DLG1: variants seen among roughly 807,000 people sequenced by gnomAD.
DLG1 encodes discs large MAGUK scaffold protein 1.
Under a neutral mutation model 123.4 loss-of-function variants are expected in DLG1, and 42 were observed. That is an observed-to-expected ratio of 0.34 (90% CI 0.27 to 0.44). The LOEUF (loss-of-function observed/expected upper bound fraction) is 0.44. DLG1 is among the 20% of genes least tolerant of loss of function. DLG1 has a pLI of 1.00. For synonymous variants in DLG1, 317 were observed against 356.2 expected, an observed-to-expected ratio of 0.89 and a Z score of 1.24; for missense variants, 942 against 1,082.6, an observed-to-expected ratio of 0.87 and a Z score of 1.82.
chr3:197,084,562 G>A lies in DLG1; in HGVS notation c.1838+1018C>T, dbSNP rs796102194. Among the ~76,000 whole-genome samples the A allele has an allele frequency of 5.5e-4, 84 of 151,554 alleles. 2 individuals are homozygous for A. The Middle Eastern group carries it at 0.017, about 31-fold the overall frequency. On this transcript the variant is annotated intron_variant, in intron 16 of 24. Coordinates refer to ENST00000667157, the MANE Select transcript of DLG1 (RefSeq NM_001366207.1). ...CCTGACCTCGTGATCCGCCCACCTC[G>A]GCCTCCTAAAGTGCTGGGATTACAG...
At chr3:197,271,495 A>G (rs887695323) in intron 4 of DLG1, among the ~76,000 whole-genome samples, 1 of 152,228 alleles carries the variant, frequency 6.6e-6, no homozygotes, top group Non-Finnish European at 1.5e-5. Context: ...ATAGCACCTA[A>G]GCCCTCTGCC....
chr3:197,092,617 C>G (rs994690683), intron 14 of DLG1, among the ~76,000 whole-genome samples: 2 of 152,100 alleles, frequency 1.3e-5, no homozygotes, highest in Non-Finnish European at 2.9e-5. Flanking sequence ...CCTGCCTCAG[C>G]CTTCCGAGTA....
At chr3:197,295,658 A>G in intron 3 of DLG1, among the ~76,000 whole-genome samples, 1 of 152,186 alleles carries the variant, frequency 6.6e-6, no homozygotes, top group East Asian at 1.9e-4. Flanking sequence ...CTACTTAAAA[A>G]AGGCTTTAAA....
chr3:197,223,019 T>C (rs2150524718), intron 4 of DLG1, among the ~76,000 whole-genome samples: 1 of 152,292 alleles, frequency 6.6e-6, no homozygotes, highest in Middle Eastern at 3.4e-3. Flanking sequence ...GTGCCTACTA[T>C]TTTGAAATAG....
rs576681428 is a variant in DLG1, at chr3:197,147,657, T to C, written c.537+2086A>G. On this transcript the variant is annotated intron_variant, in intron 6 of 24. Coordinates refer to ENST00000667157, the MANE Select transcript of DLG1 (RefSeq NM_001366207.1). The stretch of plus-strand genomic sequence containing the variant: ...AGGCATGAGAATGATACATTGGCAT[T>C]TGGGGACTCGGGAAAGCGTGGGACT... 1.3e-3 allele frequency among the ~76,000 whole-genome samples: 200 copies of C among 152,074 alleles called. 2 individuals carry two copies. Among genetic ancestry groups the C allele is most frequent in the Non-Finnish European group, 2.1e-3 (140 of 67,964 alleles).
intron 6 of DLG1, among the ~76,000 whole-genome samples, chr3:197,148,605 A>T (rs1335927823): frequency 6.6e-6 from 1 of 151,468 alleles, no homozygotes; most frequent in East Asian, 1.9e-4. Flanking sequence ...CTTTTCAACA[A>T]ACAGTGATGC....
chr3:197,192,904 C>A (rs1720422722), intron 5 of DLG1, among the ~76,000 whole-genome samples: 1 of 151,522 alleles, frequency 6.6e-6, no homozygotes, highest in Non-Finnish European at 1.5e-5. Flanking sequence ...AGGGACCATG[C>A]CTACATATGC....
At chr3:197,252,264 A>C (rs760563961) in intron 4 of DLG1, among the ~76,000 whole-genome samples, 3 of 152,202 alleles carry the variant, frequency 2.0e-5, no homozygotes, top group Admixed American at 1.3e-4. Context: ...GGATTTTAAA[A>C]GCAGTGTCTC....
intron 13 of DLG1, among the ~76,000 whole-genome samples, chr3:197,111,096 C>T (rs1326582072): frequency 6.6e-6 from 1 of 152,114 alleles, no homozygotes; most frequent in African/African-American, 2.4e-5. Context: ...TAGGGCATTT[C>T]CCTAGAGAAG....
At chr3:197,149,958 A>C (rs1269227149) in intron 5 of DLG1, among the ~76,000 whole-genome samples, 162 bp from the exon 6 acceptor site, 1 of 152,208 alleles carries the variant, frequency 6.6e-6, no homozygotes. Flanking sequence ...CACCAAACAG[A>C]AAAAATTATG....
At chr3:197,148,965 CATA>C (rs1457133132) in intron 6 of DLG1, among the ~76,000 whole-genome samples, 3 of 152,146 alleles carry the variant, frequency 2.0e-5, no homozygotes, top group African/African-American at 4.8e-5. Context: ...CTTTTGATAA[CATA>C]ATGTTTAAGA....
In DLG1 at chr3:197,134,844, C is replaced by T. The variant is rs541228433; in HGVS notation, c.1020+1698G>A. 7.9e-5 allele frequency among the ~76,000 whole-genome samples: 12 copies of T among 152,324 alleles called. 1 individual carries two copies. In the South Asian group the frequency reaches 2.1e-3, roughly 26 times the overall value. Reference sequence around the variant, plus strand: ...TAGGAGCTGGCTTCCCTAGAAACTGCGCCCAGGGGAGTTGGGTAACACAAT... The same window carrying T: ...TAGGAGCTGGCTTCCCTAGAAACTGTGCCCAGGGGAGTTGGGTAACACAAT... On this transcript the variant is annotated intron_variant, in intron 10 of 24. Transcript: ENST00000667157.
intron 14 of DLG1, among the ~76,000 whole-genome samples, chr3:197,091,392 A>G (rs1216617186): frequency 6.6e-6 from 1 of 151,962 alleles, no homozygotes; most frequent in African/African-American, 2.4e-5. Context: ...TTAAGGAAGA[A>G]ACCTATAATA....
chr3:197,292,059 T>C, intron 3 of DLG1, among the ~76,000 whole-genome samples: 1 of 152,130 alleles, frequency 6.6e-6, no homozygotes, highest in East Asian at 1.9e-4. Context: ...AACATTATGG[T>C]GGGCCCTCAA....
chr3:197,085,945 ATACTGTAT>A (rs1754097196), intron 15 of DLG1, among the ~76,000 whole-genome samples, 189 bp from the exon 16 acceptor site: 1 of 151,380 alleles, frequency 6.6e-6, no homozygotes, highest in East Asian at 1.9e-4. Flanking sequence ...TGCTATGAAA[ATACTGTAT>A]TGTATTATTT....
At chr3:197,266,256 T>A (rs1031069794) in intron 4 of DLG1, among the ~76,000 whole-genome samples, 1 of 151,454 alleles carries the variant, frequency 6.6e-6, no homozygotes, top group Non-Finnish European at 1.5e-5. Flanking sequence ...AGAAAAAAAA[T>A]CAATCAATAA....
chr3:197,045,765 C>T (rs1197777808), intron 24 of DLG1, among the ~76,000 whole-genome samples: 1 of 152,002 alleles, frequency 6.6e-6, no homozygotes, highest in Non-Finnish European at 1.5e-5. Context: ...AAAAAGTTTA[C>T]ATATAAATGA....
At chr3:197,181,527 A>C (rs1464494625) in intron 5 of DLG1, among the ~76,000 whole-genome samples, 1 of 152,226 alleles carries the variant, frequency 6.6e-6, no homozygotes, top group African/African-American at 2.4e-5. Context: ...AGTGCAATTT[A>C]AAAAAGTATT....
intron 8 of DLG1, 87 bp downstream of exon 8, chr3:197,140,053 G>C: frequency 7.0e-7 from 1 of 1,434,610 alleles, no homozygotes; most frequent in Non-Finnish European, 9.5e-7. Context: ...GATCGTGTTT[G>C]TTATTTGTAT....
Sources: gnomAD v4.1 joint callset for allele counts (sites outside exome capture counted in the v4.1 genomes callset) on GRCh38, gnomAD v4.1.1 for gene constraint, MANE v1.5 for transcripts, NCBI Gene and HGNC (gene_info 2026-07-23, HGNC 2026-07-21) for gene names.